LAMA2: variants seen among roughly 807,000 people sequenced by gnomAD.
LAMA2 encodes the protein laminin subunit alpha-2.
In LAMA2, 269 loss-of-function variants were observed where a neutral mutation model predicts 364.8. The ratio of observed to expected loss-of-function variants is 0.74; its 90% CI spans 0.67 to 0.82. LAMA2 has a LOEUF of 0.82. LAMA2 is among the 40% of genes least tolerant of loss of function. The pLI, the probability that LAMA2 is intolerant of heterozygous loss-of-function variation, is 0.00. For missense variants in LAMA2, 3,807 were observed against 3,873.2 expected (o/e 0.98, Z 0.45); for synonymous variants, 1,379 against 1,370.6 (o/e 1.01, Z -0.14).
rs71028159 is a variant in LAMA2 at position 129,398,472 on chromosome 6, C to CTTTTTTTTT, written c.5446-2740_5446-2732dup. Among the ~76,000 whole-genome samples, 9 of 110,508 alleles carry CTTTTTTTTT rather than the reference C, an allele frequency of 8.1e-5. 1 individual carries two copies. Among genetic ancestry groups the CTTTTTTTTT allele is most frequent in the African/African-American group, 1.1e-4 (3 of 27,824 alleles). The allele number at this position is 110,508 out of a possible 152,430, so 72.5% of individuals were successfully genotyped here. ...TTTTCTTTTTTCTTTCTTTTCTTTT[C>CTTTTTTTTT]TTTTTTTTTTTTTTTTTTTTGAGAC... On this transcript the variant is annotated intron_variant, in intron 37 of 64. Transcript: ENST00000421865.
intron 20 of LAMA2, among the ~76,000 whole-genome samples, chr6:129,292,274 T>C (rs772894533): frequency 6.6e-5 from 10 of 152,054 alleles, no homozygotes; most frequent in Admixed American, 3.3e-4. Context: ...TGAACCTGGG[T>C]GGCAGAGGTT....
intron 53 of LAMA2, among the ~76,000 whole-genome samples, chr6:129,475,672 A>C (rs183972627): frequency 1.2e-3 from 176 of 152,142 alleles, no homozygotes; most frequent in African/African-American, 4.0e-3. Flanking sequence ...AACCATCTGC[A>C]CACAGTGCCC....
At chr6:129,228,430 G>T (rs1360405486) in intron 12 of LAMA2, among the ~76,000 whole-genome samples, 2 of 152,134 alleles carry the variant, frequency 1.3e-5, no homozygotes, top group Non-Finnish European at 2.9e-5. Flanking sequence ...CTCATGCTGG[G>T]AGCTGTAGAC....
At chr6:129,481,694 T>C (rs1784357441) in intron 55 of LAMA2, among the ~76,000 whole-genome samples, 1 of 152,176 alleles carries the variant, frequency 6.6e-6, no homozygotes, top group Admixed American at 6.5e-5. Flanking sequence ...ATATTTCCTA[T>C]GGGTTTAACA....
intron 1 of LAMA2, among the ~76,000 whole-genome samples, chr6:128,937,925 C>T (rs1186027265): frequency 6.6e-6 from 1 of 151,104 alleles, no homozygotes; most frequent in Non-Finnish European, 1.5e-5. Context: ...TCAATGTAAA[C>T]TTCTCTCTTA....
At chr6:128,954,683 G>A (rs550779679) in intron 1 of LAMA2, among the ~76,000 whole-genome samples, 1 of 151,884 alleles carries the variant, frequency 6.6e-6, no homozygotes, top group Non-Finnish European at 1.5e-5. Flanking sequence ...CTTCAGTACA[G>A]TACAACAGAT....
chr6:128,949,784 T>A (rs1250793703), intron 1 of LAMA2, among the ~76,000 whole-genome samples: 1 of 152,224 alleles, frequency 6.6e-6, no homozygotes, highest in Non-Finnish European at 1.5e-5. Flanking sequence ...GTAGACATAT[T>A]TAAAATGTTC....
intron 41 of LAMA2, among the ~76,000 whole-genome samples, chr6:129,434,024 A>G (rs1038706340): frequency 2.6e-5 from 4 of 152,154 alleles, no homozygotes; most frequent in Non-Finnish European, 5.9e-5. Context: ...TCCTATAGTG[A>G]TTTCATTGTA....
chr6:129,484,903 T>C (rs1454452471), intron 55 of LAMA2, among the ~76,000 whole-genome samples: 1 of 152,216 alleles, frequency 6.6e-6, no homozygotes, highest in East Asian at 1.9e-4. Context: ...CATGTTATTA[T>C]ACAGTGTTAA....
chr6:129,353,416 T>C, intron 32 of LAMA2, 59 bp downstream of exon 32: 1 of 1,420,362 alleles, frequency 7.0e-7, no homozygotes, highest in Non-Finnish European at 9.9e-7. Context: ...CTGTCTCATT[T>C]CCAATGAGAA....
At chr6:129,512,559 A>G in intron 63 of LAMA2, 66 bp downstream of exon 63, 2 of 1,557,568 alleles carry the variant, frequency 1.3e-6, no homozygotes, top group Non-Finnish European at 8.8e-7. Flanking sequence ...GATATCATCC[A>G]TGTGTGGGAA....
At chr6:129,234,184 A>G (rs996673539) in intron 12 of LAMA2, among the ~76,000 whole-genome samples, 1 of 152,200 alleles carries the variant, frequency 6.6e-6, no homozygotes, top group Non-Finnish European at 1.5e-5. Context: ...CTTTATTTCT[A>G]TCCATTGGTT....
chr6:129,209,961 G>T (rs567720248), intron 12 of LAMA2, among the ~76,000 whole-genome samples: 30 of 135,752 alleles, frequency 2.2e-4, no homozygotes, highest in African/African-American at 8.4e-4. Context: ...CCGTGATCGC[G>T]CCACTGCACT....
chr6:129,013,350 T>A (rs1250383662), intron 1 of LAMA2, among the ~76,000 whole-genome samples: 3 of 151,192 alleles, frequency 2.0e-5, no homozygotes, highest in African/African-American at 7.3e-5. Flanking sequence ...GGCAGGAGAA[T>A]GGCGGGAACC....
intron 1 of LAMA2, among the ~76,000 whole-genome samples, chr6:128,885,767 C>CT (rs1776119263): frequency 6.6e-6 from 1 of 152,098 alleles, no homozygotes; most frequent in Non-Finnish European, 1.5e-5. Context: ...CATAACCAGA[C>CT]TTTTTGTTTT....
At chr6:129,224,257 G>A (rs1353465911) in intron 12 of LAMA2, among the ~76,000 whole-genome samples, 2 of 152,104 alleles carry the variant, frequency 1.3e-5, no homozygotes, top group South Asian at 2.1e-4. Flanking sequence ...TGAGACAATG[G>A]GGTTTTCTAA....
chr6:129,066,759 G>T (rs905748838), intron 3 of LAMA2, among the ~76,000 whole-genome samples: 3 of 152,150 alleles, frequency 2.0e-5, no homozygotes, highest in African/African-American at 7.2e-5. Context: ...TAGGAGCCCA[G>T]AAATAAATCT....
intron 62 of LAMA2, among the ~76,000 whole-genome samples, chr6:129,509,908 A>G (rs1583938625): frequency 1.3e-5 from 2 of 152,280 alleles, no homozygotes; most frequent in East Asian, 1.9e-4. Context: ...TAGGGATTAT[A>G]TTAAATCTGC....
At chr6:129,476,619 C>T (rs1223196862) in intron 53 of LAMA2, among the ~76,000 whole-genome samples, 1 of 152,054 alleles carries the variant, frequency 6.6e-6, no homozygotes, top group Non-Finnish European at 1.5e-5. Flanking sequence ...AACTATATAA[C>T]TTGTAGGAGT....
Sources: allele counts gnomAD v4.1 joint callset (sites outside exome capture counted in the v4.1 genomes callset), GRCh38; gene constraint gnomAD v4.1.1; transcripts MANE v1.5; gene names NCBI Gene and HGNC (gene_info 2026-07-23, HGNC 2026-07-21).